Variants in CDKAL1 observed in about 807,000 individuals in gnomAD.
The protein encoded by CDKAL1 is threonylcarbamoyladenosine tRNA methylthiotransferase.
In CDKAL1, 32 loss-of-function variants were observed where a neutral mutation model predicts 68.2. That is an observed-to-expected ratio of 0.47 (90% CI 0.35 to 0.63). The LOEUF (loss-of-function observed/expected upper bound fraction) is 0.63. Ranked by LOEUF, CDKAL1 falls within the 30% of genes least tolerant of loss-of-function variation. CDKAL1 has a pLI of 0.00. For synonymous variants in CDKAL1, 234 were observed against 244.3 expected, an observed-to-expected ratio of 0.96 and a Z score of 0.39; for missense variants, 606 against 696.7, an observed-to-expected ratio of 0.87 and a Z score of 1.47.
chr6:20,569,213 G>A (rs1168329685), intron 4 of CDKAL1, among the ~76,000 whole-genome samples: 1 of 152,178 alleles, frequency 6.6e-6, no homozygotes, highest in Non-Finnish European at 1.5e-5. Context: ...AAGTAGTTCA[G>A]TTTTTGAGAC....
At chr6:20,722,115 C>T (rs942339792) in intron 5 of CDKAL1, among the ~76,000 whole-genome samples, 2 of 152,124 alleles carry the variant, frequency 1.3e-5, no homozygotes, top group African/African-American at 2.4e-5. Context: ...CTCTGGAAGC[C>T]AACTCCTGTG....
At chr6:21,030,283 C>G (rs933672719) in intron 11 of CDKAL1, among the ~76,000 whole-genome samples, 10 of 152,092 alleles carry the variant, frequency 6.6e-5, no homozygotes, top group Non-Finnish European at 1.0e-4. Flanking sequence ...ATAAGTTGAA[C>G]ACATGGACAC....
At chr6:20,836,430 A>G (rs1777949403) in intron 8 of CDKAL1, among the ~76,000 whole-genome samples, 1 of 152,182 alleles carries the variant, frequency 6.6e-6, no homozygotes, top group Non-Finnish European at 1.5e-5. Flanking sequence ...AAAGAATAGA[A>G]TCTGGGAATC....
At chr6:21,156,844 T>A (rs1776672744) in intron 13 of CDKAL1, among the ~76,000 whole-genome samples, 1 of 152,170 alleles carries the variant, frequency 6.6e-6, no homozygotes, top group Non-Finnish European at 1.5e-5. Flanking sequence ...TGGCATGGAA[T>A]CCTTCTAAGA....
chr6:20,877,976 T>C (rs960789913), intron 9 of CDKAL1, among the ~76,000 whole-genome samples: 12 of 152,232 alleles, frequency 7.9e-5, no homozygotes, highest in African/African-American at 2.7e-4. Flanking sequence ...ACAAAGATGA[T>C]GGGTCTTTGC....
chr6:21,197,134 G>C (rs187773432), intron 13 of CDKAL1, among the ~76,000 whole-genome samples: 1 of 151,638 alleles, frequency 6.6e-6, no homozygotes, highest in East Asian at 1.9e-4. Flanking sequence ...CTCTAGCCTG[G>C]GTGACAGAGT....
chr6:20,926,213 G>A (rs1763178193), intron 9 of CDKAL1, among the ~76,000 whole-genome samples: 1 of 152,082 alleles, frequency 6.6e-6, no homozygotes, highest in Admixed American at 6.6e-5. Flanking sequence ...TATATGGTAT[G>A]TTGAACTCTA....
At chr6:20,662,948 G>A (rs1234627316) in intron 5 of CDKAL1, among the ~76,000 whole-genome samples, 1 of 152,154 alleles carries the variant, frequency 6.6e-6, no homozygotes, top group East Asian at 1.9e-4. Context: ...CCACAGTTAG[G>A]AAATTGCTGG....
intron 13 of CDKAL1, among the ~76,000 whole-genome samples, chr6:21,175,006 A>T (rs899122068): frequency 6.6e-6 from 1 of 152,188 alleles, no homozygotes; most frequent in Admixed American, 6.5e-5. Context: ...CCTGAGAGCA[A>T]TGGGGAACCA....
intron 8 of CDKAL1, among the ~76,000 whole-genome samples, chr6:20,797,794 A>AT (rs1411502326): frequency 6.8e-6 from 1 of 147,128 alleles, no homozygotes; most frequent in African/African-American, 2.5e-5. Context: ...ATTTTATTTT[A>AT]TTTTATTTTA....
chr6:20,705,997 C>A (rs1046389255), intron 5 of CDKAL1, among the ~76,000 whole-genome samples: 3 of 152,100 alleles, frequency 2.0e-5, no homozygotes, highest in African/African-American at 7.2e-5. Context: ...CAGCAGCAGA[C>A]CGTCTCCATG....
At chr6:20,987,617 T>A (rs1766541020) in intron 10 of CDKAL1, among the ~76,000 whole-genome samples, 1 of 152,192 alleles carries the variant, frequency 6.6e-6, no homozygotes, top group Admixed American at 6.5e-5. Flanking sequence ...TTGTTGCTCT[T>A]GCAACAGTTA....
At chr6:21,092,133 G>A (rs1384777520) in intron 12 of CDKAL1, among the ~76,000 whole-genome samples, 2 of 144,930 alleles carry the variant, frequency 1.4e-5, no homozygotes, top group Non-Finnish European at 3.0e-5. Flanking sequence ...TGATCCGCCC[G>A]CCTCGGCCTC....
At chr6:21,177,505 T>A (rs1246117223) in intron 13 of CDKAL1, among the ~76,000 whole-genome samples, 10 of 152,204 alleles carry the variant, frequency 6.6e-5, no homozygotes, top group African/African-American at 2.4e-4. Context: ...TATGAGTTTT[T>A]TTCCCACTGT....
At chr6:20,721,736 T>G (rs1455903646) in intron 5 of CDKAL1, among the ~76,000 whole-genome samples, 12 of 139,734 alleles carry the variant, frequency 8.6e-5, no homozygotes, top group Admixed American at 5.7e-4. Flanking sequence ...TTTTTTTTTT[T>G]TTTTTTTTTT....
intron 10 of CDKAL1, among the ~76,000 whole-genome samples, chr6:20,973,033 G>A (rs1378280346): frequency 6.6e-6 from 1 of 151,036 alleles, no homozygotes; most frequent in Non-Finnish European, 1.5e-5. Context: ...AGCCGAGATC[G>A]CGTCATTACT....
At chr6:21,120,137 A>G (rs1774633212) in intron 13 of CDKAL1, among the ~76,000 whole-genome samples, 1 of 152,206 alleles carries the variant, frequency 6.6e-6, no homozygotes, top group Admixed American at 6.5e-5. Context: ...CATTTAACAA[A>G]CATTTGAGGT....
At chr6:21,209,138 A>G (rs776630437) in intron 15 of CDKAL1, among the ~76,000 whole-genome samples, 3 of 152,168 alleles carry the variant, frequency 2.0e-5, no homozygotes, top group Non-Finnish European at 4.4e-5. Flanking sequence ...CTTTACTCGT[A>G]TTACTTCAGT....
At chr6:20,970,912 G>A (rs1034111823) in intron 10 of CDKAL1, among the ~76,000 whole-genome samples, 2 of 152,202 alleles carry the variant, frequency 1.3e-5, no homozygotes, top group Non-Finnish European at 2.9e-5. Context: ...GCAATGGCAT[G>A]ATCTCAGCTC....
Sources: allele counts gnomAD v4.1 joint callset (sites outside exome capture counted in the v4.1 genomes callset), GRCh38; gene constraint gnomAD v4.1.1; transcripts MANE v1.5; gene names NCBI Gene and HGNC (gene_info 2026-07-23, HGNC 2026-07-21).